RABGAP1L: variants seen among roughly 807,000 people sequenced by gnomAD.
The protein encoded by RABGAP1L is RAB GTPase activating protein 1 like, also known as rab GTPase-activating protein 1-like.
A neutral mutation model predicts 137.7 loss-of-function variants in RABGAP1L; 63 were observed. That is an observed-to-expected ratio of 0.46 (90% CI 0.37 to 0.56). RABGAP1L has a LOEUF of 0.56. Ranked by LOEUF, RABGAP1L falls within the 20% of genes least tolerant of loss-of-function variation. RABGAP1L has a pLI of 0.00. For synonymous variants in RABGAP1L, 431 were observed against 433.7 expected (o/e 0.99, Z 0.08); for missense variants, 1,095 against 1,244.0 (o/e 0.88, Z 1.80).
chr1:174,870,135 A>G (rs188562992), intron 19 of RABGAP1L, among the ~76,000 whole-genome samples: 2 of 152,318 alleles, frequency 1.3e-5, no homozygotes, highest in Non-Finnish European at 2.9e-5. Flanking sequence ...AGTAATCTTC[A>G]ATGACTGGCT....
chr1:174,351,679 TAGACAACCTTAA>T (rs1683202552), intron 11 of RABGAP1L, among the ~76,000 whole-genome samples: 1 of 152,338 alleles, frequency 6.6e-6, no homozygotes, highest in Non-Finnish European at 1.5e-5. Flanking sequence ...CTTTGGGTGT[TAGACAACCTTAA>T]GGTTGTCTTC....
chr1:174,185,975 C>T (rs918525351), intron 1 of RABGAP1L, among the ~76,000 whole-genome samples: 34 of 152,080 alleles, frequency 2.2e-4, no homozygotes, highest in Non-Finnish European at 3.8e-4. Context: ...GAAACCCCGT[C>T]TTTACTAAAA....
intron 20 of RABGAP1L, among the ~76,000 whole-genome samples, chr1:174,967,224 C>G (rs1669711112): frequency 6.6e-6 from 1 of 150,522 alleles, no homozygotes; most frequent in African/African-American, 2.4e-5. Flanking sequence ...AGTGCAGTGG[C>G]ATGATCATAG....
At chr1:174,699,712 T>C (rs1679508068) in intron 16 of RABGAP1L, 62 bp downstream of exon 16, 1 of 1,445,416 alleles carries the variant, frequency 6.9e-7, no homozygotes, top group Admixed American at 2.0e-5. Context: ...AAAAGCCTAA[T>C]AGAGTTGGTA....
At position 174,984,142 on chromosome 1, in the gene RABGAP1L, G is replaced by A. The variant is rs963728626; in HGVS notation, c.2805+1237G>A. ...TATACGTGTGCCATGGTGGTTTGCTGTGCCTGTTAACCCATCCTCTAAGTT... is the reference window on the plus strand; with the variant it reads ...TATACGTGTGCCATGGTGGTTTGCTATGCCTGTTAACCCATCCTCTAAGTT... On this transcript the variant is annotated intron_variant, in intron 24 of 25. Coordinates refer to ENST00000681986, the MANE Select transcript of RABGAP1L (RefSeq NM_001366446.1). Among the ~76,000 whole-genome samples, 57 of 150,212 alleles carry A rather than the reference G, an allele frequency of 3.8e-4. 1 individual carries two copies. Among genetic ancestry groups the A allele is most frequent in the Admixed American group, 2.0e-4 (3 of 15,086 alleles).
chr1:174,495,517 C>G (rs889274291), intron 13 of RABGAP1L, among the ~76,000 whole-genome samples: 49 of 152,138 alleles, frequency 3.2e-4, no homozygotes, highest in African/African-American at 1.1e-3. Flanking sequence ...TCTTCAGGAA[C>G]AAAATTCAAA....
chr1:174,892,796 C>A, intron 19 of RABGAP1L: 1 of 336,126 alleles, frequency 3.0e-6, no homozygotes, highest in South Asian at 2.5e-5. Context: ...ATGGCATGAT[C>A]TTGACTCACT....
At chr1:174,329,906 A>T (rs550430823) in intron 11 of RABGAP1L, among the ~76,000 whole-genome samples, 58 of 150,666 alleles carry the variant, frequency 3.8e-4, no homozygotes, top group South Asian at 8.5e-4. Context: ...ATTTTTTTTT[A>T]AAAAAAGACT....
At chr1:174,608,571 T>C (rs905976089) in intron 13 of RABGAP1L, among the ~76,000 whole-genome samples, 4 of 152,048 alleles carry the variant, frequency 2.6e-5, no homozygotes, top group African/African-American at 9.7e-5. Flanking sequence ...TAGGGGAAAA[T>C]GTGGGATGGA....
intron 14 of RABGAP1L, among the ~76,000 whole-genome samples, chr1:174,664,723 C>CTGCTTTTTTTTTTTT: frequency 9.0e-6 from 1 of 111,412 alleles, no homozygotes; most frequent in African/African-American, 4.5e-5. Flanking sequence ...TTCTTTCTTT[C>CTGCTTTTTTTTTTTT]TTTCTGCTTT....
intron 10 of RABGAP1L, among the ~76,000 whole-genome samples, chr1:174,291,793 T>C (rs1676634844): frequency 6.6e-6 from 1 of 151,988 alleles, no homozygotes; most frequent in Admixed American, 6.6e-5. Context: ...CCTTTATTCC[T>C]GACATTGGTT....
At position 174,552,210 on chromosome 1, in the gene RABGAP1L, T is replaced by C. The variant is rs193000054; in HGVS notation, c.1711-85165T>C. Among the ~76,000 whole-genome samples, 4 of 152,334 alleles carry C rather than the reference T, an allele frequency of 2.6e-5. No homozygotes were observed. The East Asian group carries it at 5.8e-4, about 22-fold the overall frequency. The stretch of plus-strand genomic sequence containing the variant: ...AAGTTCAAGGGTACAAGTGCAAGTT[T>C]GTTACGTAGGTAAACTTGTGTGGTG... On this transcript the variant is annotated intron_variant, in intron 13 of 25. Coordinates refer to ENST00000681986, the MANE Select transcript of RABGAP1L (RefSeq NM_001366446.1).
intron 18 of RABGAP1L, among the ~76,000 whole-genome samples, chr1:174,802,947 G>A (rs1262719207): frequency 6.6e-6 from 1 of 152,172 alleles, no homozygotes; most frequent in African/African-American, 2.4e-5. Flanking sequence ...CTAGTCAAGA[G>A]GAAGTACTAA....
intron 13 of RABGAP1L, among the ~76,000 whole-genome samples, chr1:174,399,603 A>G (rs1040724819): frequency 3.3e-5 from 5 of 152,108 alleles, no homozygotes; most frequent in African/African-American, 1.2e-4. Context: ...CTGTTCTCAC[A>G]CTGCTATAAG....
intron 7 of RABGAP1L, among the ~76,000 whole-genome samples, chr1:174,261,006 A>G: frequency 6.6e-6 from 1 of 152,016 alleles, no homozygotes; most frequent in East Asian, 1.9e-4. Context: ...ATTCCTTAAC[A>G]TGAAGAGGTT....
At chr1:174,174,250 G>GATA (rs1665657690) in intron 1 of RABGAP1L, among the ~76,000 whole-genome samples, 1 of 150,630 alleles carries the variant, frequency 6.6e-6, no homozygotes, top group African/African-American at 2.4e-5. Context: ...ATAAGTCATA[G>GATA]ATAATACAAG....
intron 18 of RABGAP1L, among the ~76,000 whole-genome samples, chr1:174,759,503 G>A (rs1326393164): frequency 6.6e-6 from 1 of 151,540 alleles, no homozygotes; most frequent in East Asian, 1.9e-4. Flanking sequence ...GCTGAGGCAG[G>A]AGAATCTCTT....
At chr1:174,964,580 C>G (rs906504959) in intron 20 of RABGAP1L, among the ~76,000 whole-genome samples, 6 of 152,130 alleles carry the variant, frequency 3.9e-5, no homozygotes, top group African/African-American at 1.4e-4. Context: ...GATTTCTGAC[C>G]TTGTCATATA....
intron 18 of RABGAP1L, among the ~76,000 whole-genome samples, chr1:174,794,351 C>T (rs72717611): frequency 0.059 from 9,014 of 152,150 alleles, 383 homozygotes; most frequent in Non-Finnish European, 0.081. Context: ...CTTTCTAAAC[C>T]CTAACCCAGA....
Sources: gnomAD v4.1 joint callset for allele counts (sites outside exome capture counted in the v4.1 genomes callset) on GRCh38, gnomAD v4.1.1 for gene constraint, MANE v1.5 for transcripts, NCBI Gene and HGNC (gene_info 2026-07-23, HGNC 2026-07-21) for gene names.